Variants in TNRC6C observed in about 807,000 individuals in gnomAD.
TNRC6C encodes trinucleotide repeat-containing gene 6C protein.
TNRC6C carries 20 observed loss-of-function variants against 153.7 expected under a neutral mutation model. The ratio of observed to expected loss-of-function variants is 0.13; its 90% CI spans 0.09 to 0.19. The LOEUF is 0.19. TNRC6C is among the 10% of genes least tolerant of loss of function. The pLI is 1.00. For missense variants in TNRC6C, 1,987 were observed against 2,172.0 expected, an observed-to-expected ratio of 0.91 and a Z score of 1.69; for synonymous variants, 811 against 841.4, an observed-to-expected ratio of 0.96 and a Z score of 0.63.
In TNRC6C at chr17:78,023,731, G is replaced by A. The variant is rs112953356; in HGVS notation, c.-545-7785G>A. On this transcript the variant is annotated intron_variant, in intron 1 of 19. Transcript: ENST00000301624. Reference sequence around the variant, plus strand: ...TGAGGTGGGAGGATCACCTGAGCCCGGAAAGCCAAGGCTACAGTGAGCTGT... The same window carrying A: ...TGAGGTGGGAGGATCACCTGAGCCCAGAAAGCCAAGGCTACAGTGAGCTGT... 2.3e-4 allele frequency among the ~76,000 whole-genome samples: 35 copies of A among 151,472 alleles called. No homozygotes were observed. The South Asian group carries it at 6.1e-3, about 26-fold the overall frequency.
intron 3 of TNRC6C, among the ~76,000 whole-genome samples, chr17:78,054,157 A>G (rs2072596609): frequency 6.6e-6 from 1 of 152,198 alleles, no homozygotes; most frequent in African/African-American, 2.4e-5. Context: ...AAAAGGGGAC[A>G]TTAAAATATG....
chr17:77,997,795 C>T (rs1268344287), intron 1 of TNRC6C, among the ~76,000 whole-genome samples: 1 of 152,054 alleles, frequency 6.6e-6, no homozygotes, highest in Non-Finnish European at 1.5e-5. Context: ...GCTGGGACTA[C>T]AGGCACCTGC....
upstream of TNRC6C, chr17:78,004,039 C>T: frequency 8.5e-7 from 1 of 1,169,988 alleles, no homozygotes; most frequent in Non-Finnish European, 1.1e-6. Flanking sequence ...CCCTTTCTAG[C>T]ACCTTCTCAG....
At chr17:78,043,391 T>C (rs2072339944) in intron 2 of TNRC6C, among the ~76,000 whole-genome samples, 1 of 152,232 alleles carries the variant, frequency 6.6e-6, no homozygotes, top group Non-Finnish European at 1.5e-5. Context: ...AATAGCATTG[T>C]TCCAAATTGA....
Position 78,093,875 on chromosome 17 carries a change from G to C in TNRC6C, c.4306+112G>C, listed in dbSNP as rs537700680. On this transcript the variant is annotated intron_variant, in intron 16 of 19. Transcript: ENST00000301624. ...GCAGGGATGATACAAGGCACAGTTG[G>C]CGGGCACCTTTTCTAGTCACCTGAA... 4 of 1,351,912 alleles carry C rather than the reference G, an allele frequency of 3.0e-6. No individual in the cohort carries two copies. The South Asian group carries it at 6.2e-5, about 21-fold the overall frequency. The allele number at this position is 1,351,912 out of a possible 1,614,324, so 83.7% of individuals were successfully genotyped here.
intron 1 of TNRC6C, among the ~76,000 whole-genome samples, chr17:77,983,264 C>T (rs1486793877): frequency 6.6e-6 from 1 of 152,138 alleles, no homozygotes; most frequent in Non-Finnish European, 1.5e-5. Context: ...AATGTTACTA[C>T]CAGAGGACAC....
chr17:77,986,369 C>T (rs1005980521), intron 1 of TNRC6C, among the ~76,000 whole-genome samples: 21 of 149,246 alleles, frequency 1.4e-4, no homozygotes, highest in Non-Finnish European at 2.2e-4. Context: ...GCCGAGATCG[C>T]GCCATTGCAC....
chr17:78,069,665 G>A (rs964755877), intron 5 of TNRC6C, among the ~76,000 whole-genome samples: 15 of 152,126 alleles, frequency 9.9e-5, no homozygotes, highest in Admixed American at 9.8e-4. Context: ...GTACATTGAT[G>A]GAGTAACAAG....
chr17:78,017,610 G>C (rs942497712), intron 1 of TNRC6C, among the ~76,000 whole-genome samples: 12 of 152,330 alleles, frequency 7.9e-5, no homozygotes, highest in African/African-American at 2.4e-4. Flanking sequence ...GAGGCTCCAG[G>C]CTTCTCCTAG....
intron 1 of TNRC6C, among the ~76,000 whole-genome samples, chr17:77,996,178 G>A (rs2071325566): frequency 6.6e-6 from 1 of 152,194 alleles, no homozygotes; most frequent in Non-Finnish European, 1.5e-5. Context: ...ACTTAGTTAA[G>A]ACAAATCGTA....
chr17:78,079,768 C>T lies in TNRC6C; in HGVS notation c.3357+227C>T, dbSNP rs927059631. ...TCAGAGCTTGCTCCTTGGAATGCCT[C>T]AGCCACCGAAACTAGCATTTGGCAT... is the stretch of plus-strand genomic sequence containing the variant. On this transcript the variant is annotated intron_variant, in intron 10 of 19. Coordinates refer to ENST00000301624, the Ensembl canonical transcript of TNRC6C. The surrounding 1 kb of genome is among the most constrained non-coding windows in gnomAD (Gnocchi z 4.3). 2.6e-5 allele frequency among the ~76,000 whole-genome samples: 4 copies of T among 152,208 alleles called. No individual in the cohort carries two copies. Among genetic ancestry groups the T allele is most frequent in the Non-Finnish European group, 5.9e-5 (4 of 68,050 alleles).
chr17:78,048,799 A>C, intron 2 of TNRC6C, 46 bp from the exon 5 acceptor site: 1 of 1,232,276 alleles, frequency 8.1e-7, no homozygotes, highest in Non-Finnish European at 1.0e-6. Flanking sequence ...ATTCATTGAC[A>C]AATGAGTAGA....
Position 78,104,870 on chromosome 17 carries a change from G to C in TNRC6C, c.*25G>C. 7 of 1,397,268 alleles carry C rather than the reference G, an allele frequency of 5.0e-6. No homozygotes were observed. Among genetic ancestry groups the C allele is most frequent in the Non-Finnish European group, 6.5e-6 (7 of 1,079,550 alleles). 86.6% of individuals were successfully genotyped at this position (1,397,268 alleles called of 1,614,324 possible). On this transcript the variant is annotated 3_prime_UTR_variant, in exon 20 of 20. Transcript: ENST00000301624. This position sits in a 1 kb window ranked among gnomAD's most constrained non-coding sequence, Gnocchi z 6.2. ...GGCTCTGCCATCATCAGCACCAGGA[G>C]AGCCGACCCCTCCCGGGACCCCTCC... is the stretch of plus-strand genomic sequence containing the variant.
At chr17:77,984,347 A>T (rs2071126392) in intron 1 of TNRC6C, among the ~76,000 whole-genome samples, 1 of 143,436 alleles carries the variant, frequency 7.0e-6, no homozygotes, top group African/African-American at 2.7e-5. Flanking sequence ...GCAAGACCTC[A>T]TCAATACTTA....
chr17:77,982,182 C>G (rs1318688994), intron 1 of TNRC6C, among the ~76,000 whole-genome samples: 1 of 152,112 alleles, frequency 6.6e-6, no homozygotes, highest in South Asian at 2.1e-4. Flanking sequence ...TCTATAGAAC[C>G]CAGCCTCTAG....
chr17:78,031,593 T>G, exon 2 of TNRC6C: 1 of 1,232,318 alleles, frequency 8.1e-7, no homozygotes, highest in Non-Finnish European at 1.0e-6. Context: ...CAGCACTATC[T>G]CAAGCAGCAA....
chr17:78,104,953 C>T lies in TNRC6C; in HGVS notation c.*108C>T. Reference sequence around the variant, plus strand: ...CAGCAGCGGCCGCCCTTTTGAGTACCTCTGTCCAGGACTGAAGACGAACCT... The same window carrying T: ...CAGCAGCGGCCGCCCTTTTGAGTACTTCTGTCCAGGACTGAAGACGAACCT... On this transcript the variant is annotated 3_prime_UTR_variant, in exon 20 of 20. Coordinates refer to ENST00000301624, the Ensembl canonical transcript of TNRC6C. This position sits in a 1 kb window ranked among gnomAD's most constrained non-coding sequence, Gnocchi z 6.2. 1 of 1,351,164 alleles carries T rather than the reference C, an allele frequency of 7.4e-7. No homozygotes were observed. Among genetic ancestry groups the T allele is most frequent in the Non-Finnish European group, 9.5e-7 (1 of 1,050,752 alleles). The allele number at this position is 1,351,164 out of a possible 1,614,324, so 83.7% of individuals were successfully genotyped here.
At chr17:78,042,646 A>AGAATATGTG (rs2072320281) in intron 2 of TNRC6C, among the ~76,000 whole-genome samples, 1 of 151,848 alleles carries the variant, frequency 6.6e-6, no homozygotes, top group African/African-American at 2.4e-5. Context: ...TCTGATTAAA[A>AGAATATGTG]GAATATGTGG....
chr17:77,969,121 T>C (rs2070921308), intron 1 of TNRC6C, among the ~76,000 whole-genome samples: 1 of 152,216 alleles, frequency 6.6e-6, no homozygotes, highest in South Asian at 2.1e-4. Context: ...TCATTTATTC[T>C]CCTTAATAAG....
Sources: allele counts gnomAD v4.1 joint callset (sites outside exome capture counted in the v4.1 genomes callset), GRCh38; gene constraint gnomAD v4.1.1; non-coding constraint Gnocchi (gnomAD v3.1); transcripts MANE v1.5; gene names NCBI Gene and HGNC (gene_info 2026-07-23, HGNC 2026-07-21).